METTL15: variants seen among roughly 807,000 people sequenced by gnomAD.
METTL15 encodes the protein 12S rRNA N(4)-cytidine methyltransferase METTL15.
A neutral mutation model predicts 38.3 loss-of-function variants in METTL15; 34 were observed. The ratio of observed to expected loss-of-function variants is 0.89; its 90% confidence interval spans 0.68 to 1.18. METTL15 has a LOEUF of 1.18. Ranked by LOEUF, METTL15 falls within the 50% of genes most tolerant of loss-of-function variation. The probability of loss-of-function intolerance (pLI) is 0.00; values close to 1 mark genes in which losing one functional copy is unlikely to be tolerated. For synonymous variants in METTL15, 162 were observed against 170.9 expected (o/e 0.95, Z 0.41); for missense variants, 438 against 498.4 (o/e 0.88, Z 1.15).
At chr11:28,477,880 T>C (rs2133469851) in intron 6 of METTL15, among the ~76,000 whole-genome samples, 1 of 152,296 alleles carries the variant, frequency 6.6e-6, no homozygotes, top group East Asian at 1.9e-4. Context: ...AGCATTAAGC[T>C]CAAGTTACTG....
At chr11:28,524,780 G>A (rs1375975469) in intron 6 of METTL15, among the ~76,000 whole-genome samples, 2 of 152,204 alleles carry the variant, frequency 1.3e-5, no homozygotes, top group Admixed American at 6.5e-5. Flanking sequence ...TAGGTAAGGA[G>A]AAGAACATAC....
rs779990059 is a variant in METTL15 at position 28,442,304 on chromosome 11, G to A, written c.*424+17940G>A. ...GGAGGCTTTAATGTCTACCTTCAAA[G>A]GGCATATTTCCTGAAGGGTGATGGA... is the stretch of plus-strand genomic sequence containing the variant. On this transcript the variant is annotated intron_variant and NMD_transcript_variant, in intron 6 of 7. Coordinates refer to the METTL15 transcript ENST00000532947. Among the ~76,000 whole-genome samples the A allele has an allele frequency of 4.6e-5, 7 of 152,280 alleles. No homozygotes were observed. The South Asian group carries it at 1.2e-3, about 27-fold the overall frequency.
At chr11:28,483,848 T>C (rs1284904573) in intron 6 of METTL15, among the ~76,000 whole-genome samples, 3 of 152,206 alleles carry the variant, frequency 2.0e-5, no homozygotes, top group Non-Finnish European at 4.4e-5. Context: ...TTATGAAGAT[T>C]AATGTGATAA....
chr11:28,360,956 A>G (rs373958870), intron 4 of METTL15, among the ~76,000 whole-genome samples: 2,299 of 151,714 alleles, frequency 0.015, 38 homozygotes, highest in South Asian at 0.042. Flanking sequence ...ATGATTTCCA[A>G]TTTCATCCAT....
At chr11:28,184,200 G>A (rs569645998) in intron 3 of METTL15, among the ~76,000 whole-genome samples, 12 of 151,340 alleles carry the variant, frequency 7.9e-5, no homozygotes, top group East Asian at 1.9e-4. Flanking sequence ...TGATCTTTTC[G>A]AAAAACCAGC....
chr11:28,189,119 A>G (rs935189030), intron 3 of METTL15, among the ~76,000 whole-genome samples: 12 of 151,354 alleles, frequency 7.9e-5, no homozygotes, highest in Admixed American at 2.0e-4. Context: ...TACTTTGCCA[A>G]TAAATATGTT....
At chr11:28,158,590 A>T (rs1353864284) in intron 3 of METTL15, among the ~76,000 whole-genome samples, 1 of 152,114 alleles carries the variant, frequency 6.6e-6, no homozygotes, top group African/African-American at 2.4e-5. Context: ...ACTGGAATAG[A>T]CACTTATTCC....
At chr11:28,429,556 G>T (rs1435583648) in intron 6 of METTL15, among the ~76,000 whole-genome samples, 1 of 100,156 alleles carries the variant, frequency 1.0e-5, no homozygotes, top group Non-Finnish European at 2.1e-5. Context: ...ACGGGGTTTC[G>T]CTGTGTTGGC....
intron 4 of METTL15, among the ~76,000 whole-genome samples, chr11:28,265,877 A>G (rs1422676175): frequency 4.6e-5 from 7 of 152,202 alleles, no homozygotes; most frequent in Non-Finnish European, 1.0e-4. Flanking sequence ...TTAGTTACAT[A>G]TGTATACATG....
At chr11:28,138,444 A>G (rs1849586178) in intron 3 of METTL15, among the ~76,000 whole-genome samples, 2 of 152,194 alleles carry the variant, frequency 1.3e-5, no homozygotes, top group Admixed American at 6.5e-5. Flanking sequence ...ACTTTTGAAC[A>G]TTACCAAAAG....
chr11:28,465,063 A>T (rs1460046776), intron 6 of METTL15, among the ~76,000 whole-genome samples: 1 of 152,132 alleles, frequency 6.6e-6, no homozygotes, highest in African/African-American at 2.4e-5. Flanking sequence ...CCAATACCCT[A>T]AGCCTCCTCT....
At chr11:28,266,386 A>G (rs997680149) in intron 4 of METTL15, among the ~76,000 whole-genome samples, 24 of 152,198 alleles carry the variant, frequency 1.6e-4, no homozygotes, top group East Asian at 7.7e-4. Flanking sequence ...GCCATAAAAA[A>G]TGATGAGTTC....
chr11:28,473,191 C>T (rs1648542701), intron 6 of METTL15, among the ~76,000 whole-genome samples: 1 of 152,116 alleles, frequency 6.6e-6, no homozygotes, highest in South Asian at 2.1e-4. Flanking sequence ...TATGGATTAC[C>T]TAGGAATTTT....
intron 6 of METTL15, among the ~76,000 whole-genome samples, chr11:28,328,980 A>T (rs933417049): frequency 6.6e-6 from 1 of 152,092 alleles, no homozygotes; most frequent in African/African-American, 2.4e-5. Context: ...CAGTTTATCT[A>T]ATTTTTTCTT....
intron 6 of METTL15, among the ~76,000 whole-genome samples, chr11:28,524,025 T>C (rs902600479): frequency 6.6e-6 from 1 of 152,214 alleles, no homozygotes; most frequent in Non-Finnish European, 1.5e-5. Flanking sequence ...ATCTAACGTG[T>C]CAATGGTGTT....
At chr11:28,257,153 A>G (rs1042598211) in intron 4 of METTL15, among the ~76,000 whole-genome samples, 1 of 152,108 alleles carries the variant, frequency 6.6e-6, no homozygotes, top group South Asian at 2.1e-4. Flanking sequence ...TTTTTACTGG[A>G]TATACTATTC....
At chr11:28,222,980 AAAT>A (rs1445567851) in intron 4 of METTL15, among the ~76,000 whole-genome samples, 4 of 152,162 alleles carry the variant, frequency 2.6e-5, no homozygotes, top group African/African-American at 9.7e-5. Context: ...AGGGCAATCA[AAAT>A]AATAATGGTA....
At chr11:28,151,436 A>G (rs1261863590) in intron 3 of METTL15, among the ~76,000 whole-genome samples, 1 of 151,888 alleles carries the variant, frequency 6.6e-6, no homozygotes, top group Non-Finnish European at 1.5e-5. Flanking sequence ...AATTACTGGC[A>G]AAATATACAA....
chr11:28,154,456 A>G (rs542799431), intron 3 of METTL15, among the ~76,000 whole-genome samples: 2 of 152,240 alleles, frequency 1.3e-5, no homozygotes, highest in African/African-American at 4.8e-5. Flanking sequence ...GTATGAGGGT[A>G]TAGATAAGCT....
Sources: allele counts gnomAD v4.1 joint callset (sites outside exome capture counted in the v4.1 genomes callset), GRCh38; gene constraint gnomAD v4.1.1; transcripts MANE v1.5; gene names NCBI Gene and HGNC (gene_info 2026-07-23, HGNC 2026-07-21).